SDK2: variants seen among roughly 807,000 people sequenced by gnomAD.
SDK2 encodes sidekick cell adhesion molecule 2.
SDK2 carries 105 observed loss-of-function variants against 253.9 expected under a neutral mutation model. The ratio of observed to expected loss-of-function variants is 0.41; its 90% confidence interval spans 0.35 to 0.49. The LOEUF is 0.49. Ranked by LOEUF, SDK2 falls within the 20% of genes least tolerant of loss-of-function variation. SDK2 has a pLI of 0.06. For synonymous variants in SDK2, 1,249 were observed against 1,234.9 expected, an observed-to-expected ratio of 1.01 and a Z score of -0.24; for missense variants, 2,608 against 3,003.0, an observed-to-expected ratio of 0.87 and a Z score of 3.07.
chr17:73,608,906 C>T (rs1286185370), intron 1 of SDK2, among the ~76,000 whole-genome samples: 1 of 152,214 alleles, frequency 6.6e-6, no homozygotes, highest in Non-Finnish European at 1.5e-5. Flanking sequence ...TGGTGGCTGG[C>T]ACCGTGTCGC....
intron 1 of SDK2, among the ~76,000 whole-genome samples, chr17:73,594,595 A>AACACAC (rs3070639): frequency 6.6e-6 from 1 of 151,372 alleles, no homozygotes; most frequent in African/African-American, 2.4e-5. Context: ...TGGGACAATG[A>AACACAC]ACACACACAC....
In SDK2 at chr17:73,350,307, C is replaced by A; in HGVS notation, c.5968G>T (p.Ala1990Ser). The A allele has an allele frequency of 6.3e-7, 1 of 1,591,236 alleles. No individual in the cohort carries two copies. The highest frequency in any genetic ancestry group is 8.5e-7 in the Non-Finnish European group (1 of 1,169,630). ...MMSLDESSFPALELNNRRLSV... is the reference protein window; with the variant it reads ...MMSLDESSFPSLELNNRRLSV... ...AGCCGCCTGTTGTTGAGTTCCAGGG[C>A]AGGGAAGCTGCTTTCATCCAAGCTC... is the stretch of plus-strand genomic sequence containing the variant. Residue 1990 changes from alanine to serine, a missense_variant, in exon 43 of 45, where the codon GCC (alanine) becomes TCC (serine). Ala to Ser is a moderately conservative substitution (Grantham distance 99). Transcript: ENST00000392650.
chr17:73,505,577 A>G (rs2063928658), intron 2 of SDK2, among the ~76,000 whole-genome samples: 1 of 150,360 alleles, frequency 6.7e-6, no homozygotes, highest in Admixed American at 6.6e-5. Context: ...CATCATCATC[A>G]ATAGCTGGAC....
chr17:73,573,684 G>A (rs1272372203), intron 1 of SDK2, among the ~76,000 whole-genome samples: 3 of 152,110 alleles, frequency 2.0e-5, no homozygotes, highest in East Asian at 1.9e-4. Context: ...GCTCCCCTCC[G>A]CTCCCTGAGC....
At chr17:73,370,432 G>A (rs995712044) in intron 36 of SDK2, among the ~76,000 whole-genome samples, 4 of 152,062 alleles carry the variant, frequency 2.6e-5, no homozygotes, top group East Asian at 3.9e-4. Context: ...TTGTAGAGAC[G>A]GGGTCTTGCC....
intron 6 of SDK2, among the ~76,000 whole-genome samples, chr17:73,439,420 TAAC>T (rs965714446): frequency 4.9e-4 from 74 of 152,098 alleles, no homozygotes; most frequent in African/African-American, 1.5e-3. Flanking sequence ...CTGCCAAAAA[TAAC>T]AACAACAACA....
Position 73,465,069 on chromosome 17 carries a change from T to C in SDK2, c.331+7043A>G, listed in dbSNP as rs1291162417. On this transcript the variant is annotated intron_variant, in intron 3 of 44. Transcript: ENST00000392650. The surrounding 1 kb of genome is among the most constrained non-coding windows in gnomAD (Gnocchi z 4.2). The stretch of plus-strand genomic sequence containing the variant: ...AACATGAGTGCTCCAGAAAGACACA[T>C]TGATGTTATCAGGAACTGTCACTTG... Among the ~76,000 whole-genome samples, 2 of 152,132 alleles carry C rather than the reference T, an allele frequency of 1.3e-5. No individual in the cohort carries two copies. The highest frequency in any genetic ancestry group is 3.9e-4 in the East Asian group (2 of 5,190).
intron 21 of SDK2, 99 bp from the exon 22 acceptor site, chr17:73,399,388 T>C: frequency 3.9e-6 from 5 of 1,286,632 alleles, no homozygotes; most frequent in Non-Finnish European, 5.5e-6. Flanking sequence ...TGTCACGCTT[T>C]TCCTGGAAAT....
intron 43 of SDK2, among the ~76,000 whole-genome samples, chr17:73,349,558 G>A (rs1366139654): frequency 1.3e-5 from 2 of 152,204 alleles, no homozygotes; most frequent in Non-Finnish European, 2.9e-5. Context: ...TGGGCAGCCC[G>A]ATGGCCACAG....
chr17:73,494,764 C>T (rs1295130036), intron 2 of SDK2, among the ~76,000 whole-genome samples: 2 of 152,184 alleles, frequency 1.3e-5, no homozygotes, highest in African/African-American at 4.8e-5. Context: ...ACTAGCAAAT[C>T]CTGAGGCCAC....
intron 1 of SDK2, among the ~76,000 whole-genome samples, chr17:73,589,548 T>C (rs967984503): frequency 3.9e-5 from 6 of 152,236 alleles, no homozygotes; most frequent in African/African-American, 1.4e-4. Flanking sequence ...CAAGCCTCCA[T>C]TTCCCAATCT....
intron 1 of SDK2, among the ~76,000 whole-genome samples, chr17:73,572,037 G>A (rs947684161): frequency 2.6e-5 from 4 of 152,190 alleles, no homozygotes; most frequent in African/African-American, 9.7e-5. Context: ...TCCCTATGAT[G>A]GGGATGTGCC....
chr17:73,466,879 G>T (rs1195063311), intron 3 of SDK2, among the ~76,000 whole-genome samples: 2 of 152,132 alleles, frequency 1.3e-5, no homozygotes, highest in Non-Finnish European at 2.9e-5. Context: ...GGAAAACTGA[G>T]GTCCAGAGAG....
At chr17:73,631,141 T>C (rs1290961977) in intron 1 of SDK2, among the ~76,000 whole-genome samples, 1 of 152,190 alleles carries the variant, frequency 6.6e-6, no homozygotes, top group Non-Finnish European at 1.5e-5. Flanking sequence ...GCGTATTTAT[T>C]ACTGTCCCGA....
At chr17:73,634,947 G>C (rs572467823) in intron 1 of SDK2, among the ~76,000 whole-genome samples, 35 of 151,994 alleles carry the variant, frequency 2.3e-4, no homozygotes, top group Non-Finnish European at 4.3e-4. Flanking sequence ...GTAAATGACA[G>C]GTAGGATTTG....
rs776745744 is a variant in SDK2 at position 73,395,114 on chromosome 17, G to C, written c.3592+41C>G. On this transcript the variant is annotated intron_variant, in intron 25 of 44. Transcript: ENST00000392650. This position sits in a 1 kb window ranked among gnomAD's most constrained non-coding sequence, Gnocchi z 4.3. The stretch of plus-strand genomic sequence containing the variant: ...ACCCTGAGGGCATAGAGACCAAGGA[G>C]GGGACAGGCAGCAGGGTGGCTGGGT... 1.3e-5 allele frequency: 20 copies of C among 1,496,690 alleles called. No individual in the cohort carries two copies. The African/African-American group carries it at 2.5e-4, about 19-fold the overall frequency. 92.7% of individuals were successfully genotyped at this position (1,496,690 alleles called of 1,614,324 possible). A position where few individuals can be genotyped will look rare whatever the true frequency, so the allele number is the denominator to read the frequency against.
chr17:73,503,744 T>G (rs2063909036), intron 2 of SDK2, among the ~76,000 whole-genome samples: 1 of 152,116 alleles, frequency 6.6e-6, no homozygotes, highest in Non-Finnish European at 1.5e-5. Context: ...AGCCCTGGAG[T>G]AGGCACATGA....
At position 73,361,907 on chromosome 17, in the gene SDK2, G is replaced by A. The variant is rs1304474201; in HGVS notation, c.5306-62C>T. ...GCCCACCGAGGGCACTGGAGGCCAT[G>A]GGGAAGGGGAAGCGGCCGTGGCCTG... On this transcript the variant is annotated intron_variant, in intron 38 of 44. Coordinates refer to ENST00000392650, the MANE Select transcript of SDK2 (RefSeq NM_001144952.2). This position sits in a 1 kb window ranked among gnomAD's most constrained non-coding sequence, Gnocchi z 4.1. The A allele has an allele frequency of 1.1e-5, 17 of 1,480,388 alleles. No individual in the cohort carries two copies. Among genetic ancestry groups the A allele is most frequent in the African/African-American group, 2.8e-5 (2 of 71,768 alleles). The allele number at this position is 1,480,388 out of a possible 1,614,324, so 91.7% of individuals were successfully genotyped here. A position where few individuals can be genotyped will look rare whatever the true frequency, so the allele number is the denominator to read the frequency against.
At chr17:73,509,902 C>CAAAAAAGAAAAAAAAA (rs2063965924) in intron 1 of SDK2, among the ~76,000 whole-genome samples, 1 of 25,394 alleles carries the variant, frequency 3.9e-5, no homozygotes, top group Non-Finnish European at 7.0e-5. Context: ...TCCATCTCTA[C>CAAAAAAGAAAAAAAAA]AAAAAAAAAA....
Sources: gnomAD v4.1 joint callset for allele counts (sites outside exome capture counted in the v4.1 genomes callset) on GRCh38, gnomAD v4.1.1 for gene constraint, Gnocchi (gnomAD v3.1) non-coding constraint, MANE v1.5 for transcripts, NCBI Gene and HGNC (gene_info 2026-07-23, HGNC 2026-07-21) for gene names.